The following CFLAR variants were observed in gnomAD, a reference collection of about 807,000 sequenced individuals.
CFLAR encodes CASP8 and FADD-like apoptosis regulator.
In CFLAR, 14 loss-of-function variants were observed where a neutral mutation model predicts 51.1. The observed-to-expected ratio is 0.27, with a 90% CI of 0.18 to 0.43. CFLAR has a LOEUF of 0.43. Among genes scored for constraint, CFLAR ranks in the 20% least tolerant of loss-of-function variants. The probability of loss-of-function intolerance (pLI) is 1.00; values close to 1 mark genes in which losing one functional copy is unlikely to be tolerated. For synonymous variants in CFLAR, 210 were observed against 211.6 expected, an observed-to-expected ratio of 0.99 and a Z score of 0.06; for missense variants, 390 against 566.5, an observed-to-expected ratio of 0.69 and a Z score of 3.16.
rs1419534733 is a variant in CFLAR, at chr2:201,124,582, G to A, written c.-137-5147G>A. On this transcript the variant is annotated intron_variant, in intron 1 of 9. Coordinates refer to ENST00000309955, the MANE Select transcript of CFLAR (RefSeq NM_003879.7). The surrounding 1 kb of genome is among the most constrained non-coding windows in gnomAD (Gnocchi z 4.7). ...ACTCCTTGCCTCAAGTGATCCGCCC[G>A]CCTTGGCCTCCCAAAGTGCTGGGAT... Among the ~76,000 whole-genome samples the A allele has an allele frequency of 2.6e-5, 4 of 152,136 alleles. No homozygotes were observed. The highest frequency in any genetic ancestry group is 7.2e-5 in the African/African-American group (3 of 41,416).
Position 201,170,945 on chromosome 2 carries a change from A to G in CFLAR, c.*6972A>G, listed in dbSNP as rs1943973448. 2 of 152,260 alleles carry G rather than the reference A, an allele frequency of 1.3e-5. No individual in the cohort carries two copies. The highest frequency in any genetic ancestry group is 4.8e-5 in the African/African-American group (2 of 41,470). 9.4% of individuals were successfully genotyped at this position (152,260 alleles called of 1,614,324 possible). A position where few individuals can be genotyped will look rare whatever the true frequency, so the allele number is the denominator to read the frequency against. On this transcript the variant is annotated 3_prime_UTR_variant, in exon 10 of 10. Coordinates refer to ENST00000309955, the MANE Select transcript of CFLAR (RefSeq NM_003879.7). ...GAATCTTATTTACTCAATATTAATT[A>G]CTTACAAATAACCTCACCTAAACAC...
intron 6 of CFLAR, chr2:201,148,391 T>G (rs138137141): frequency 2.2e-4 from 34 of 152,238 alleles, no homozygotes; most frequent in African/African-American, 8.2e-4. Flanking sequence ...TGCTCAAAAC[T>G]GGTTGTTCTT....
chr2:201,141,980 A>G (rs1939012780), intron 5 of CFLAR: 1 of 152,258 alleles, frequency 6.6e-6, no homozygotes. Flanking sequence ...AAAAAGAAGG[A>G]AAAAAATGCT....
Position 201,160,485 on chromosome 2 carries a change from C to A in CFLAR, c.847C>A (p.His283Asn), listed in dbSNP as rs201460122. Residue 283 changes from histidine (H) to asparagine (N), a missense_variant, in exon 9 of 10, where the codon CAT (histidine) becomes AAT (asparagine). This residue lies in a region of CFLAR where 287 missense variants were observed against 363.6 expected (regional missense o/e 0.79). Transcript: ENST00000309955. ...SLGYEVQKFLHLSMHGISQIL... is the reference protein window; with the variant it reads ...SLGYEVQKFLNLSMHGISQIL... ...GGGCTATGAAGTCCAGAAATTCTTG[C>A]ATCTCAGTATGCATGGTATATCCCA... 6.2e-7 allele frequency: 1 copy of A among 1,613,946 alleles called. No homozygotes were observed.
chr2:201,130,349 CTTTCTTTTT>C (rs1313235902), intron 2 of CFLAR, among the ~76,000 whole-genome samples: 4 of 121,964 alleles, frequency 3.3e-5, no homozygotes, highest in African/African-American at 1.3e-4. Context: ...CTTTTTCTTT[CTTTCTTTTT>C]TTTTTTTTTT....
chr2:201,147,730 T>A (rs1292867853), intron 6 of CFLAR: 1 of 151,624 alleles, frequency 6.6e-6, no homozygotes. Flanking sequence ...TAGCCAGGTG[T>A]GGTGGCACAC....
chr2:201,141,036 GC>G (rs1938687670), intron 5 of CFLAR, among the ~76,000 whole-genome samples: 1 of 152,020 alleles, frequency 6.6e-6, no homozygotes, highest in Non-Finnish European at 1.5e-5. Context: ...TTCGAGACTG[GC>G]CTGGCCAACA....
intron 5 of CFLAR, chr2:201,142,821 A>G (rs967204799): frequency 6.6e-6 from 1 of 151,372 alleles, no homozygotes; most frequent in Admixed American, 6.6e-5. Flanking sequence ...CTGGTCTTGA[A>G]CTCCCGACCT....
chr2:201,122,788 CAA>C (rs1020923128), intron 1 of CFLAR: 5 of 152,162 alleles, frequency 3.3e-5, no homozygotes, highest in African/African-American at 1.2e-4. Flanking sequence ...CAAATGGAGG[CAA>C]ATGCTTGAGT....
At chr2:201,155,648 G>A (rs1942048771) in intron 8 of CFLAR, among the ~76,000 whole-genome samples, 2 of 151,712 alleles carry the variant, frequency 1.3e-5, no homozygotes, top group Non-Finnish European at 2.9e-5. Flanking sequence ...TTTTGAGACA[G>A]GGTCTTGCTC....
At chr2:201,157,239 C>T (rs916644222) in intron 8 of CFLAR, among the ~76,000 whole-genome samples, 1 of 152,174 alleles carries the variant, frequency 6.6e-6, no homozygotes, top group African/African-American at 2.4e-5. Flanking sequence ...TTCCTGGGCT[C>T]GAGTGATCCT....
rs1431501598 is a variant in CFLAR, at chr2:201,167,087, C to A, written c.*3114C>A. 4.7e-5 allele frequency: 2 copies of A among 42,534 alleles called. No homozygotes were observed. Among genetic ancestry groups the A allele is most frequent in the African/African-American group, 1.7e-4 (2 of 11,728 alleles). The allele number at this position is 42,534 out of a possible 1,614,324, so 2.6% of individuals were successfully genotyped here. ...TTATGATTTATTTATTTTTCTATTT[C>A]TTGAGGTTTTAACTGATGTGTATCT... On this transcript the variant is annotated 3_prime_UTR_variant, in exon 10 of 10. Transcript: ENST00000309955.
chr2:201,119,839 G>GTTTT (rs35011582), intron 1 of CFLAR, among the ~76,000 whole-genome samples: 1,298 of 120,782 alleles, frequency 0.011, 27 homozygotes, highest in African/African-American at 0.037. Context: ...TCAGTTTAAT[G>GTTTT]TTTTTTTTTT....
At chr2:201,163,495 A>G in intron 9 of CFLAR, 1 of 1,125,822 alleles carries the variant, frequency 8.9e-7, no homozygotes, top group Non-Finnish European at 1.1e-6. Context: ...AGCGGGGGTT[A>G]GAGCAGGAGC....
At chr2:201,136,149 G>A (rs1330593445) in intron 4 of CFLAR, 42 bp downstream of exon 4, 25 of 1,612,632 alleles carry the variant, frequency 1.6e-5, no homozygotes, top group Non-Finnish European at 2.0e-5. Context: ...GAAGTACTCT[G>A]TGCATGGGGG....
At position 201,140,409 on chromosome 2, in the gene CFLAR, G is replaced by A; in HGVS notation, c.576G>A (p.Lys192=). 4 of 1,610,422 alleles carry A rather than the reference G, an allele frequency of 2.5e-6. No individual in the cohort carries two copies. The highest frequency in any genetic ancestry group is 3.4e-6 in the Non-Finnish European group (4 of 1,179,214). The change falls in exon 5 of 10, where the codon AAG becomes AAA. Residue 192 remains lysine (K), a synonymous_variant. Transcript: ENST00000309955. ...YRNVLQAAIQ[K]SLKDPSNNFR... ...ATGTTCTCCAAGCAGCAATCCAAAA[G>A]AGTCTCAAGGATCCTTCAAATAACT...
At chr2:201,126,047 T>C (rs1342222644) in intron 1 of CFLAR, among the ~76,000 whole-genome samples, 1 of 152,154 alleles carries the variant, frequency 6.6e-6, no homozygotes, top group Non-Finnish European at 1.5e-5. Flanking sequence ...TTGTTGTACC[T>C]GAGCGAGTTA....
intron 9 of CFLAR, chr2:201,163,239 T>A (rs1353874842): frequency 3.1e-6 from 4 of 1,306,038 alleles, no homozygotes; most frequent in Middle Eastern, 2.1e-4. Flanking sequence ...ATTTTTTTAA[T>A]GTTTATTGGC....
At chr2:201,140,078 CGGA>C in intron 4 of CFLAR, 1 of 109,576 alleles carries the variant, frequency 9.1e-6, no homozygotes, top group African/African-American at 5.4e-4. Flanking sequence ...TGCTGCGACG[CGGA>C]GGCGCGCCGC....
Sources: allele counts gnomAD v4.1 joint callset (sites outside exome capture counted in the v4.1 genomes callset), GRCh38; gene constraint gnomAD v4.1.1; regional missense constraint gnomAD v4.1.1; non-coding constraint Gnocchi (gnomAD v3.1); transcripts MANE v1.5; gene names NCBI Gene and HGNC (gene_info 2026-07-23, HGNC 2026-07-21).